Variants in UTRN observed in about 807,000 individuals in gnomAD.
The protein encoded by UTRN is dystrophin-related protein 1.
A neutral mutation model predicts 463.9 loss-of-function variants in UTRN; 283 were observed. The ratio of observed to expected loss-of-function variants is 0.61; its 90% CI spans 0.55 to 0.67. The LOEUF (loss-of-function observed/expected upper bound fraction) is 0.67. Among genes scored for constraint, UTRN ranks in the 30% least tolerant of loss-of-function variants. The pLI is 0.00. For missense variants in UTRN, 3,922 were observed against 4,084.3 expected (o/e 0.96, Z 1.08); for synonymous variants, 1,442 against 1,431.5 (o/e 1.01, Z -0.17).
intron 54 of UTRN, among the ~76,000 whole-genome samples, chr6:144,746,419 G>C (rs1167341730): frequency 2.6e-5 from 4 of 152,124 alleles, no homozygotes; most frequent in Admixed American, 6.6e-5. Context: ...GCATGTTTTA[G>C]GGCTTTTCTC....
intron 59 of UTRN, among the ~76,000 whole-genome samples, chr6:144,774,046 G>A (rs1353355826): frequency 1.3e-5 from 2 of 152,180 alleles, no homozygotes; most frequent in Non-Finnish European, 1.5e-5. Context: ...TCTGAGCCCT[G>A]ACACCTGTTG....
At chr6:144,395,625 A>G (rs1270748205) in intron 2 of UTRN, among the ~76,000 whole-genome samples, 1 of 152,198 alleles carries the variant, frequency 6.6e-6, no homozygotes, top group Non-Finnish European at 1.5e-5. Context: ...TAGAAGATGG[A>G]ATTAATGGTT....
chr6:144,452,339 A>G (rs1788408158), intron 18 of UTRN, among the ~76,000 whole-genome samples: 1 of 152,238 alleles, frequency 6.6e-6, no homozygotes, highest in Non-Finnish European at 1.5e-5. Flanking sequence ...CATGTAAACA[A>G]TTTAGAATTG....
chr6:144,631,941 AC>A (rs1776570862), intron 51 of UTRN, among the ~76,000 whole-genome samples: 1 of 152,240 alleles, frequency 6.6e-6, no homozygotes, highest in African/African-American at 2.4e-5. Context: ...ATCGTAAAAG[AC>A]TGACATTGCT....
intron 51 of UTRN, among the ~76,000 whole-genome samples, chr6:144,621,718 C>T (rs564101039): frequency 3.9e-5 from 6 of 152,248 alleles, no homozygotes; most frequent in African/African-American, 1.4e-4. Flanking sequence ...ATACCTCAAT[C>T]ACTGCCGTAT....
chr6:144,670,741 T>C (rs1780923725), intron 51 of UTRN, among the ~76,000 whole-genome samples: 2 of 152,194 alleles, frequency 1.3e-5, no homozygotes, highest in South Asian at 4.1e-4. Context: ...TTTTCTGATG[T>C]TATCTTCTAG....
At chr6:144,469,716 G>GTTTT (rs1790316079) in intron 23 of UTRN, among the ~76,000 whole-genome samples, 1 of 117,784 alleles carries the variant, frequency 8.5e-6, no homozygotes, top group Non-Finnish European at 1.7e-5. Flanking sequence ...TTTTTTTTTA[G>GTTTT]TATTTATTGA....
rs551914026 is a variant in UTRN at position 144,448,548 on chromosome 6, A to C, written c.1903-52A>C. ...AAGAATTTTATAGCATGTGAATTAC[A>C]TCTCAATGAAGCTGTTATAAACATT... is the stretch of plus-strand genomic sequence containing the variant. On this transcript the variant is annotated intron_variant, in intron 16 of 74. Coordinates refer to ENST00000367545, the MANE Select transcript of UTRN (RefSeq NM_007124.3). 3.8e-5 allele frequency: 60 copies of C among 1,575,802 alleles called. 2 individuals carry two copies. The South Asian group carries it at 6.2e-4, about 16-fold the overall frequency.
intron 34 of UTRN, among the ~76,000 whole-genome samples, chr6:144,508,830 G>T (rs967654020): frequency 3.3e-5 from 5 of 152,130 alleles, no homozygotes; most frequent in African/African-American, 1.2e-4. Flanking sequence ...AGTGCTATTG[G>T]TTGAGTAATT....
intron 24 of UTRN, among the ~76,000 whole-genome samples, chr6:144,474,200 T>C (rs1051332207): frequency 7.9e-5 from 12 of 151,154 alleles, no homozygotes; most frequent in African/African-American, 2.9e-4. Context: ...TATGTTTTTC[T>C]TAAATCCTCA....
chr6:144,554,648 C>T lies in UTRN; in HGVS notation c.6929-40C>T, dbSNP rs775182010. On this transcript the variant is annotated intron_variant, in intron 48 of 74. Coordinates refer to ENST00000367545, the MANE Select transcript of UTRN (RefSeq NM_007124.3). ...TATTTTTTCTTTCTCCTGAGGGTTA[C>T]ATGTTGGGATTTTTTTTTCTTTTAT... is the stretch of plus-strand genomic sequence containing the variant. 2.2e-5 allele frequency: 36 copies of T among 1,600,610 alleles called. No homozygotes were observed. In the African/African-American group the frequency reaches 4.4e-4, roughly 19 times the overall value.
intron 65 of UTRN, among the ~76,000 whole-genome samples, chr6:144,808,519 G>A (rs1388715969): frequency 1.3e-5 from 2 of 151,996 alleles, no homozygotes; most frequent in African/African-American, 2.4e-5. Flanking sequence ...GCATATAAAA[G>A]ATAGTGTGTG....
At chr6:144,826,378 T>G (rs1039982534) in intron 66 of UTRN, among the ~76,000 whole-genome samples, 2 of 151,514 alleles carry the variant, frequency 1.3e-5, no homozygotes, top group African/African-American at 2.4e-5. Flanking sequence ...AATCAAGGAG[T>G]TTTGGAATAA....
rs1007025929 is a variant in UTRN, at chr6:144,479,880, A to G, written c.3405A>G (p.Ala1135=). 3 of 1,614,210 alleles carry G rather than the reference A, an allele frequency of 1.9e-6. No homozygotes were observed. The highest frequency in any genetic ancestry group is 2.5e-6 in the Non-Finnish European group (3 of 1,180,036). ...EKAANLKKDL[A]EMQEWMTQAE... is the part of the protein sequence containing the mutation. ...CTGCGAACCTGAAGAAAGACTTGGC[A>G]GAGATGCAGGAATGGATGACCCAGG... Residue 1135 remains alanine (A), a synonymous_variant, in exon 26 of 75, where the codon GCA becomes GCG. Coordinates refer to ENST00000367545, the MANE Select transcript of UTRN (RefSeq NM_007124.3).
chr6:144,837,852 T>C (rs891431408), intron 71 of UTRN, among the ~76,000 whole-genome samples: 1 of 152,196 alleles, frequency 6.6e-6, no homozygotes, highest in Admixed American at 6.5e-5. Context: ...AATGGAAGGC[T>C]TACTTCAGGG....
At chr6:144,735,962 C>G (rs868197603) in intron 54 of UTRN, among the ~76,000 whole-genome samples, 18 of 151,822 alleles carry the variant, frequency 1.2e-4, no homozygotes, top group Non-Finnish European at 2.2e-4. Flanking sequence ...CTGTGACATT[C>G]AGGATGTTTT....
At chr6:144,395,350 G>GT (rs1782304368) in intron 2 of UTRN, among the ~76,000 whole-genome samples, 1 of 147,662 alleles carries the variant, frequency 6.8e-6, no homozygotes, top group African/African-American at 2.5e-5. Context: ...AATGGAGTCT[G>GT]TTTTTCTGCA....
chr6:144,415,088 T>A (rs1452911841), intron 3 of UTRN, among the ~76,000 whole-genome samples: 1 of 152,222 alleles, frequency 6.6e-6, no homozygotes, highest in Admixed American at 6.5e-5. Flanking sequence ...TGTGTTACAG[T>A]TGCCTGCATT....
chr6:144,516,325 G>A lies in UTRN; in HGVS notation c.5341G>A (p.Asp1781Asn). The change falls in exon 38 of 75, where the codon GAC (aspartate) becomes AAC (asparagine). Residue 1781 changes from aspartate (D) to asparagine (N), a missense_variant. Around this residue, in one of 3 missense-constraint regions of UTRN, gnomAD observed 2,349 missense variants for 2,303.8 expected, o/e 1.02. Coordinates refer to ENST00000367545, the MANE Select transcript of UTRN (RefSeq NM_007124.3). The stretch of plus-strand genomic sequence containing the variant: ...CTCTGACTTGGAAAAATTAGAAAAT[G>A]ACATAGAAAATATGTTAAAATTTGT... ...PFSDLEKLEN[D>N]IENMLKFVEK... 1 of 1,613,656 alleles carries A rather than the reference G, an allele frequency of 6.2e-7. No individual in the cohort carries two copies. Among genetic ancestry groups the A allele is most frequent in the Non-Finnish European group, 8.5e-7 (1 of 1,179,854 alleles).
Sources: allele counts gnomAD v4.1 joint callset (sites outside exome capture counted in the v4.1 genomes callset), GRCh38; gene constraint gnomAD v4.1.1; regional missense constraint gnomAD v4.1.1; transcripts MANE v1.5; gene names NCBI Gene and HGNC (gene_info 2026-07-23, HGNC 2026-07-21).